The following WDR20 variants were observed in gnomAD, a reference collection of about 807,000 sequenced individuals.
The protein encoded by WDR20 is WD repeat domain 20, also known as WD repeat-containing protein 20.
A neutral mutation model predicts 38.7 loss-of-function variants in WDR20; 3 were observed. The ratio of observed to expected loss-of-function variants is 0.08; its 90% CI spans 0.04 to 0.20. The LOEUF is 0.20. Among genes scored for constraint, WDR20 ranks in the 10% least tolerant of loss-of-function variants. The probability of loss-of-function intolerance (pLI) is 1.00; values close to 1 mark genes in which losing one functional copy is unlikely to be tolerated. For synonymous variants in WDR20, 298 were observed against 285.6 expected (o/e 1.04, Z -0.44); for missense variants, 559 against 727.7 (o/e 0.77, Z 2.67).
intron 1 of WDR20, among the ~76,000 whole-genome samples, chr14:102,175,122 T>C (rs2061770798): frequency 6.6e-6 from 1 of 152,234 alleles, no homozygotes; most frequent in Non-Finnish European, 1.5e-5. Flanking sequence ...ATGAAATCTT[T>C]GCCTAAGCCA....
At chr14:102,179,950 C>T (rs1361331072) in intron 1 of WDR20, among the ~76,000 whole-genome samples, 1 of 152,066 alleles carries the variant, frequency 6.6e-6, no homozygotes, top group Non-Finnish European at 1.5e-5. Flanking sequence ...GTCAGGAGTT[C>T]AAGACCAGCC....
chr14:102,211,433 G>A (rs2062514749), downstream of WDR20, among the ~76,000 whole-genome samples: 1 of 152,252 alleles, frequency 6.6e-6, no homozygotes, highest in Non-Finnish European at 1.5e-5. This position sits in a 1 kb window ranked among gnomAD's most constrained non-coding sequence, Gnocchi z 4.2. Context: ...CTGCAAACAT[G>A]TCACGGTGGC....
downstream of WDR20, chr14:102,212,600 A>G: frequency 6.5e-7 from 1 of 1,535,626 alleles, no homozygotes. Context: ...CAACAGCTTG[A>G]GAAGAGGGCA....
At position 102,221,609 on chromosome 14, in the gene WDR20, A is replaced by G. The variant is rs2063907560; in HGVS notation, c.1693-1221A>G. On this transcript the variant is annotated intron_variant, in intron 3 of 3. Coordinates refer to the WDR20 transcript ENST00000335263. The surrounding 1 kb of genome is among the most constrained non-coding windows in gnomAD (Gnocchi z 4.8). The stretch of plus-strand genomic sequence containing the variant: ...GACTCTGAGCAGGGGCAGCTGCCAC[A>G]TTCCGTTTGCTTCCTGAGCTTGTCT... Among the ~76,000 whole-genome samples, 1 of 152,212 alleles carries G rather than the reference A, an allele frequency of 6.6e-6. No individual in the cohort carries two copies.
chr14:102,149,944 T>C (rs1352231229), intron 1 of WDR20, among the ~76,000 whole-genome samples: 1 of 152,186 alleles, frequency 6.6e-6, no homozygotes, highest in Non-Finnish European at 1.5e-5. Flanking sequence ...CCACCCGCCT[T>C]GGCCTCCCAA....
rs556567018 is a variant in WDR20 at position 102,184,004 on chromosome 14, T to C, written c.250-10934T>C. Among the ~76,000 whole-genome samples, 74 of 152,376 alleles carry C rather than the reference T, an allele frequency of 4.9e-4. 1 individual carries two copies. The highest frequency in any genetic ancestry group is 1.7e-3 in the African/African-American group (71 of 41,594). The stretch of plus-strand genomic sequence containing the variant: ...TGAAATCATCTTTTGCAGAAATGAA[T>C]GCATCTTGCCTTTTCGTCAGTGTGA... On this transcript the variant is annotated intron_variant, in intron 1 of 2. Transcript: ENST00000342702.
At position 102,171,255 on chromosome 14, in the gene WDR20, C is replaced by T. The variant is rs1167410954; in HGVS notation, c.250-23683C>T. On this transcript the variant is annotated intron_variant, in intron 1 of 2. Coordinates refer to ENST00000342702, the MANE Select transcript of WDR20 (RefSeq NM_144574.4). ...GCAAGCCACTGCGCCTGGCCTCTCT[C>T]TTTTTTTTTTTTTTTTTTTTTTTTA... is the stretch of plus-strand genomic sequence containing the variant. The T allele has an allele frequency of 1.7e-5, 2 of 119,192 alleles. 1 individual carries two copies. Among genetic ancestry groups the T allele is most frequent in the Non-Finnish European group, 3.6e-5 (2 of 55,270 alleles). 7.4% of individuals were successfully genotyped at this position (119,192 alleles called of 1,614,324 possible). A position where few individuals can be genotyped will look rare whatever the true frequency, so the allele number is the denominator to read the frequency against.
downstream of WDR20, chr14:102,213,598 G>T: frequency 3.0e-6 from 3 of 985,440 alleles, no homozygotes; most frequent in African/African-American, 5.2e-5. Context: ...GACACCGTCC[G>T]GGCGGGGCCC....
intron 1 of WDR20, among the ~76,000 whole-genome samples, chr14:102,192,629 T>A (rs1045927093): frequency 1.2e-4 from 18 of 152,334 alleles, no homozygotes; most frequent in African/African-American, 4.3e-4. Context: ...TAAGTCTAAC[T>A]CTAAACTGGT....
intron 1 of WDR20, among the ~76,000 whole-genome samples, chr14:102,183,912 G>A (rs1279146886): frequency 6.6e-6 from 1 of 152,174 alleles, no homozygotes; most frequent in East Asian, 1.9e-4. Flanking sequence ...TAATTTACCA[G>A]TGTTGTCTCA....
chr14:102,176,582 C>T (rs1468723267), intron 1 of WDR20, among the ~76,000 whole-genome samples: 1 of 151,826 alleles, frequency 6.6e-6, no homozygotes, highest in Non-Finnish European at 1.5e-5. Flanking sequence ...CATCTCCGTT[C>T]GTCAGGGATA....
intron 1 of WDR20, among the ~76,000 whole-genome samples, chr14:102,156,009 C>T (rs1019317086): frequency 2.3e-4 from 34 of 149,752 alleles, no homozygotes; most frequent in African/African-American, 5.9e-4. Flanking sequence ...AATTCCTGGG[C>T]TCATGCGAAC....
chr14:102,154,860 G>A (rs1420096876), intron 1 of WDR20, among the ~76,000 whole-genome samples: 1 of 152,166 alleles, frequency 6.6e-6, no homozygotes, highest in African/African-American at 2.4e-5. Flanking sequence ...GGGAGGTAAG[G>A]TCAGGCAGTC....
In WDR20 at chr14:102,192,080, A is replaced by G. The variant is rs186278878; in HGVS notation, c.250-2858A>G. 1.8e-4 allele frequency among the ~76,000 whole-genome samples: 28 copies of G among 152,332 alleles called. No individual in the cohort carries two copies. The East Asian group carries it at 5.2e-3, about 28-fold the overall frequency. On this transcript the variant is annotated intron_variant, in intron 1 of 2. Transcript: ENST00000342702. ...AGTGCATTTGACTGCAGACTAATAA[A>G]CTAGTCCTGGACTGGTACACTTCAA...
intron 2 of WDR20, among the ~76,000 whole-genome samples, chr14:102,200,467 T>TTTTTTTGTGTG (rs748066838): frequency 3.4e-5 from 4 of 117,688 alleles, no homozygotes; most frequent in African/African-American, 1.2e-4. Flanking sequence ...ATTTTTTTTT[T>TTTTTTTGTGTG]TGTGTGTGTG....
At chr14:102,181,935 ACCT>A (rs895269921) in intron 1 of WDR20, among the ~76,000 whole-genome samples, 6 of 152,066 alleles carry the variant, frequency 3.9e-5, no homozygotes, top group Non-Finnish European at 8.8e-5. Context: ...CTACAAATAC[ACCT>A]CCTTTCCCTT....
chr14:102,160,856 G>A (rs2152769119), intron 1 of WDR20, among the ~76,000 whole-genome samples: 1 of 146,414 alleles, frequency 6.8e-6, no homozygotes, highest in East Asian at 2.1e-4. Context: ...GCTGAGGCAG[G>A]AGAATGGCGT....
chr14:102,171,255 CTTTTTTTTT>C (rs71468389), intron 1 of WDR20: 18,068 of 119,056 alleles, frequency 0.15, 1,656 homozygotes, highest in African/African-American at 0.27. Flanking sequence ...TGGCCTCTCT[CTTTTTTTTT>C]TTTTTTTTTT....
At chr14:102,202,372 GTTTTTTTT>G (rs5811062) in intron 2 of WDR20, among the ~76,000 whole-genome samples, 2 of 67,632 alleles carry the variant, frequency 3.0e-5, no homozygotes, top group African/African-American at 1.2e-4. Context: ...CTGTATGGAG[GTTTTTTTT>G]TTTTTTTTTT....
Sources: allele counts gnomAD v4.1 joint callset (sites outside exome capture counted in the v4.1 genomes callset), GRCh38; gene constraint gnomAD v4.1.1; non-coding constraint Gnocchi (gnomAD v3.1); transcripts MANE v1.5; gene names NCBI Gene and HGNC (gene_info 2026-07-23, HGNC 2026-07-21).